SLC25A16: variants seen among roughly 807,000 people sequenced by gnomAD.
SLC25A16 encodes mitochondrial coenzyme A transporter SLC25A16.
In SLC25A16, 39 loss-of-function variants were observed where a neutral mutation model predicts 41.5. The observed-to-expected ratio is 0.94, with a 90% confidence interval of 0.73 to 1.23. The LOEUF is 1.23. Ranked by LOEUF, SLC25A16 falls within the 50% of genes most tolerant of loss-of-function variation. The probability of loss-of-function intolerance (pLI) is 0.00; values close to 1 mark genes in which losing one functional copy is unlikely to be tolerated. For missense variants in SLC25A16, 421 were observed against 426.9 expected, an observed-to-expected ratio of 0.99 and a Z score of 0.12; for synonymous variants, 146 against 147.8, an observed-to-expected ratio of 0.99 and a Z score of 0.09.
At position 68,508,982 on chromosome 10, in the gene SLC25A16, G is replaced by A. The variant is rs145656300; in HGVS notation, c.224-2264C>T. Among the ~76,000 whole-genome samples, 370 of 152,110 alleles carry A rather than the reference G, an allele frequency of 2.4e-3. 3 individuals are homozygous for A. Among genetic ancestry groups the A allele is most frequent in the African/African-American group, 8.3e-3 (346 of 41,494 alleles). Reference sequence around the variant, plus strand: ...TATTACTTAAAATTTTTTGATTGTCGCCAATTTTGTTAAAAGCATTTTAAG... The same window carrying A: ...TATTACTTAAAATTTTTTGATTGTCACCAATTTTGTTAAAAGCATTTTAAG... On this transcript the variant is annotated intron_variant, in intron 2 of 8. Coordinates refer to ENST00000609923, the MANE Select transcript of SLC25A16 (RefSeq NM_152707.4).
At chr10:68,493,228 A>G (rs2052691643) in intron 5 of SLC25A16, 30 bp from the exon 6 acceptor site, 2 of 1,457,690 alleles carry the variant, frequency 1.4e-6, no homozygotes, top group African/African-American at 2.8e-5. Context: ...TGCAAGTGAG[A>G]TTACATTGTG....
chr10:68,507,234 G>A (rs71475249), intron 2 of SLC25A16, among the ~76,000 whole-genome samples: 3,028 of 151,530 alleles, frequency 0.02, 45 homozygotes, highest in Non-Finnish European at 0.031. Context: ...CACCACACCC[G>A]GCTAATTTTT....
chr10:68,487,333 A>G, intron 7 of SLC25A16, 121 bp from the exon 8 acceptor site: 1 of 716,974 alleles, frequency 1.4e-6, no homozygotes, highest in East Asian at 2.6e-5. Flanking sequence ...GTTCTGTCTA[A>G]CCTAGGAGTC....
intron 4 of SLC25A16, among the ~76,000 whole-genome samples, chr10:68,494,490 G>A (rs1564913826): frequency 7.0e-6 from 1 of 143,630 alleles, no homozygotes; most frequent in African/African-American, 2.5e-5. Context: ...GGGGAGGGAA[G>A]GGGAGGAGGG....
chr10:68,516,723 T>C (rs769564792), intron 2 of SLC25A16, 28 bp downstream of exon 2: 4 of 1,441,340 alleles, frequency 2.8e-6, no homozygotes, highest in Non-Finnish European at 3.8e-6. Context: ...TTTTCATTCA[T>C]TTTTATCTTT....
chr10:68,496,007 G>C (rs2133523373), intron 4 of SLC25A16, among the ~76,000 whole-genome samples: 2 of 152,048 alleles, frequency 1.3e-5, no homozygotes, highest in African/African-American at 4.8e-5. Context: ...AATAATTCCT[G>C]GTACACAGTA....
At chr10:68,521,605 T>G (rs1441453615) in intron 1 of SLC25A16, among the ~76,000 whole-genome samples, 1 of 46,942 alleles carries the variant, frequency 2.1e-5, no homozygotes, top group Non-Finnish European at 4.6e-5. Context: ...TTTTTTTTTT[T>G]TTTTTTGAGA....
chr10:68,487,043 C>G, intron 8 of SLC25A16, 101 bp downstream of exon 8: 1 of 642,946 alleles, frequency 1.6e-6, no homozygotes. Context: ...GGAGATAAAA[C>G]GGAAGATACA....
chr10:68,498,631 G>A (rs1246189987), intron 4 of SLC25A16, among the ~76,000 whole-genome samples: 4 of 152,166 alleles, frequency 2.6e-5, no homozygotes, highest in Non-Finnish European at 5.9e-5. Flanking sequence ...AAGAGTTAGA[G>A]GCTGCAGTAA....
At chr10:68,522,598 G>A (rs1017394570) in intron 1 of SLC25A16, among the ~76,000 whole-genome samples, 4 of 152,092 alleles carry the variant, frequency 2.6e-5, no homozygotes, top group Admixed American at 6.6e-5. Flanking sequence ...GGCGGATCAC[G>A]AGGTCAGGAG....
chr10:68,515,701 G>A lies in SLC25A16; in HGVS notation c.223+1050C>T, dbSNP rs565753398. Reference sequence around the variant, plus strand: ...TAATCCCAGCTACTAGGGAGGCTGAGGCAGGAGAATCGCTTGAACCTGGGA... The same window carrying A: ...TAATCCCAGCTACTAGGGAGGCTGAAGCAGGAGAATCGCTTGAACCTGGGA... On this transcript the variant is annotated intron_variant, in intron 2 of 8. Coordinates refer to ENST00000609923, the MANE Select transcript of SLC25A16 (RefSeq NM_152707.4). 1.3e-4 allele frequency among the ~76,000 whole-genome samples: 20 copies of A among 152,246 alleles called. No individual in the cohort carries two copies. The East Asian group carries it at 3.1e-3, about 24-fold the overall frequency.
chr10:68,525,483 T>C (rs2053322451), intron 1 of SLC25A16, among the ~76,000 whole-genome samples: 1 of 152,076 alleles, frequency 6.6e-6, no homozygotes, highest in Admixed American at 6.6e-5. Flanking sequence ...GGAGAGGGTC[T>C]CTCTCTGTAG....
intron 4 of SLC25A16, 67 bp from the exon 5 acceptor site, chr10:68,493,637 T>A (rs1425259317): frequency 1.5e-5 from 19 of 1,256,166 alleles, no homozygotes; most frequent in African/African-American, 3.0e-5. Flanking sequence ...CCCCTATCAT[T>A]AGTATTATTC....
rs1329567149 is a variant in SLC25A16 at position 68,527,236 on chromosome 10, A to G, written c.130+10T>C. 1 of 1,546,814 alleles carries G rather than the reference A, an allele frequency of 6.5e-7. No homozygotes were observed. The highest frequency in any genetic ancestry group is 1.4e-5 in the African/African-American group (1 of 72,130). On this transcript the variant is annotated intron_variant, in intron 1 of 8. Transcript: ENST00000609923. ...CAGAGCGCGGCTGGCTCTTCGTGGC[A>G]TGGACCCACCTCCGGCCAGAAAGGA...
chr10:68,483,012 A>C lies in SLC25A16; in HGVS notation c.*420T>G, dbSNP rs562328327. 1 of 152,690 alleles carries C rather than the reference A, an allele frequency of 6.5e-6. No individual in the cohort carries two copies. The highest frequency in any genetic ancestry group is 2.4e-5 in the African/African-American group (1 of 41,468). 9.5% of individuals were successfully genotyped at this position (152,690 alleles called of 1,614,324 possible). ...CTGTTTCATAGAACTTAAAAATTCA[A>C]TTCTCATTATTCTATTGCAATATAA... On this transcript the variant is annotated 3_prime_UTR_variant, in exon 9 of 9. Coordinates refer to ENST00000609923, the MANE Select transcript of SLC25A16 (RefSeq NM_152707.4).
chr10:68,485,240 C>A (rs7906263), intron 8 of SLC25A16, among the ~76,000 whole-genome samples: 16,694 of 152,086 alleles, frequency 0.11, 1,111 homozygotes, highest in South Asian at 0.25. Context: ...CAGGCGCACA[C>A]CGCCACACCC....
chr10:68,480,012 A>C lies in SLC25A16; in HGVS notation c.*3420T>G, dbSNP rs2052467822. 7.0e-6 allele frequency: 1 copy of C among 142,056 alleles called. No individual in the cohort carries two copies. Among genetic ancestry groups the C allele is most frequent in the Non-Finnish European group, 1.5e-5 (1 of 65,024 alleles). 8.8% of individuals were successfully genotyped at this position (142,056 alleles called of 1,614,324 possible). ...GGTGACAGAGTTAAGACTCTCGTTA[A>C]AAAAAAAAAAAAAAGAATGTAATGA... On this transcript the variant is annotated 3_prime_UTR_variant, in exon 9 of 9. Coordinates refer to ENST00000609923, the MANE Select transcript of SLC25A16 (RefSeq NM_152707.4).
chr10:68,525,531 G>A (rs902437156), intron 1 of SLC25A16, among the ~76,000 whole-genome samples: 2 of 152,114 alleles, frequency 1.3e-5, no homozygotes, highest in African/African-American at 2.4e-5. Flanking sequence ...ATGGCTTACT[G>A]GAGCCTCGAT....
intron 1 of SLC25A16, chr10:68,518,032 G>T (rs2053189092): frequency 6.6e-6 from 1 of 152,128 alleles, no homozygotes; most frequent in African/African-American, 2.4e-5. Context: ...ACTAAGGCTG[G>T]AGGATGACGT....
Sources: allele counts gnomAD v4.1 joint callset (sites outside exome capture counted in the v4.1 genomes callset), GRCh38; gene constraint gnomAD v4.1.1; transcripts MANE v1.5; gene names NCBI Gene and HGNC (gene_info 2026-07-23, HGNC 2026-07-21).